Variants in UXS1 observed in about 807,000 individuals in gnomAD.
UXS1 encodes UDP-glucuronate decarboxylase 1.
In UXS1, 33 loss-of-function variants were observed where a neutral mutation model predicts 62.6. That is an observed-to-expected ratio of 0.53 (90% CI 0.40 to 0.70). The LOEUF (loss-of-function observed/expected upper bound fraction) is 0.70. UXS1 is among the 30% of genes least tolerant of loss of function. The pLI is 0.00. For missense variants in UXS1, 434 were observed against 556.3 expected (o/e 0.78, Z 2.21); for synonymous variants, 213 against 206.8 (o/e 1.03, Z -0.26).
intron 1 of UXS1, among the ~76,000 whole-genome samples, chr2:106,174,545 A>G (rs547650666): frequency 7.2e-5 from 11 of 152,324 alleles, no homozygotes; most frequent in South Asian, 4.1e-4. Flanking sequence ...CCACATGAAG[A>G]TGTCTCACAG....
chr2:106,168,024 G>C (rs1385462910), intron 1 of UXS1, among the ~76,000 whole-genome samples: 2 of 152,182 alleles, frequency 1.3e-5, no homozygotes, highest in African/African-American at 4.8e-5. Flanking sequence ...AGCTGGGCAT[G>C]GTGGCGCATG....
At chr2:106,137,572 TG>T (rs1680759883) in intron 6 of UXS1, among the ~76,000 whole-genome samples, 2 of 151,876 alleles carry the variant, frequency 1.3e-5, no homozygotes, top group Admixed American at 6.6e-5. Context: ...GTGGATCACC[TG>T]AGGTCAGGAG....
chr2:106,095,122 T>C (rs1676971590), intron 14 of UXS1, among the ~76,000 whole-genome samples: 1 of 152,148 alleles, frequency 6.6e-6, no homozygotes, highest in Non-Finnish European at 1.5e-5. Context: ...TAGGTCTAAA[T>C]TCCAGAAAGA....
chr2:106,149,845 C>T (rs1241615896), intron 5 of UXS1, among the ~76,000 whole-genome samples: 1 of 152,130 alleles, frequency 6.6e-6, no homozygotes, highest in African/African-American at 2.4e-5. Flanking sequence ...GTTAAAGAAA[C>T]AGTGGTGAGG....
At chr2:106,171,647 T>C (rs566912756) in intron 1 of UXS1, among the ~76,000 whole-genome samples, 96 of 152,344 alleles carry the variant, frequency 6.3e-4, no homozygotes, top group African/African-American at 2.1e-3. Context: ...TCACCAGGAA[T>C]CCAGATCTGG....
At position 106,164,729 on chromosome 2, in the gene UXS1, G is replaced by C; in HGVS notation, c.186+7C>G. The C allele has an allele frequency of 6.4e-7, 1 of 1,562,720 alleles. No individual in the cohort carries two copies. The highest frequency in any genetic ancestry group is 8.7e-7 in the Non-Finnish European group (1 of 1,149,980). ...GAAATAGATACAAAAATAGAAAAAA[G>C]ACTAACCTCTTCAATCTTGCTTTCA... On this transcript the variant is annotated splice_region_variant and intron_variant, in intron 3 of 14. Coordinates refer to ENST00000283148, the MANE Select transcript of UXS1 (RefSeq NM_001253875.2).
intron 1 of UXS1, among the ~76,000 whole-genome samples, chr2:106,181,850 G>A (rs768481966): frequency 4.6e-5 from 7 of 152,178 alleles, no homozygotes; most frequent in African/African-American, 1.4e-4. Flanking sequence ...GGGATCCAAC[G>A]TAACATGTAA....
intron 1 of UXS1, among the ~76,000 whole-genome samples, chr2:106,174,446 C>A (rs1683750427): frequency 6.6e-6 from 1 of 152,206 alleles, no homozygotes; most frequent in Admixed American, 6.5e-5. Flanking sequence ...AGTAATGTCA[C>A]AAGATAAGAG....
At chr2:106,100,852 A>T in intron 12 of UXS1, 1 of 626,460 alleles carries the variant, frequency 1.6e-6, no homozygotes, top group Non-Finnish European at 2.8e-6. Context: ...TGATTACATC[A>T]CTCACCCGTG....
intron 10 of UXS1, among the ~76,000 whole-genome samples, chr2:106,108,767 C>T (rs2104869095): frequency 6.6e-6 from 1 of 152,306 alleles, no homozygotes; most frequent in Middle Eastern, 3.4e-3. Flanking sequence ...CTCTCATGAT[C>T]ACTTAGCAAT....
chr2:106,115,550 A>G (rs1678993299), intron 9 of UXS1, among the ~76,000 whole-genome samples: 1 of 152,214 alleles, frequency 6.6e-6, no homozygotes, highest in East Asian at 1.9e-4. Flanking sequence ...AGGAAGGTCA[A>G]GACAACTCCT....
rs1345076138 is a variant in UXS1 at position 106,157,139 on chromosome 2, G to T, written c.291+919C>A. Among the ~76,000 whole-genome samples, 2 of 152,248 alleles carry T rather than the reference G, an allele frequency of 1.3e-5. 1 individual carries two copies. Among genetic ancestry groups the T allele is most frequent in the East Asian group, 3.9e-4 (2 of 5,190 alleles). Reference sequence around the variant, plus strand: ...GGAGAGTGACTGCTAATGGGTATAGGCTTTCCTTGGGGGGGGCCTACAATT... The same window carrying T: ...GGAGAGTGACTGCTAATGGGTATAGTCTTTCCTTGGGGGGGGCCTACAATT... On this transcript the variant is annotated intron_variant, in intron 5 of 14. Transcript: ENST00000283148.
intron 1 of UXS1, among the ~76,000 whole-genome samples, chr2:106,187,334 G>A (rs1013237836): frequency 3.3e-5 from 5 of 152,110 alleles, no homozygotes; most frequent in African/African-American, 4.8e-5. Context: ...GAATGCCACC[G>A]GTACTAGGTT....
chr2:106,174,082 A>G lies in UXS1; in HGVS notation c.95-7999T>C, dbSNP rs1683724588. Among the ~76,000 whole-genome samples, 2 of 81,388 alleles carry G rather than the reference A, an allele frequency of 2.5e-5. 1 individual carries two copies. The highest frequency in any genetic ancestry group is 9.4e-4 in the South Asian group (2 of 2,124). The allele number at this position is 81,388 out of a possible 152,430, so 53.4% of individuals were successfully genotyped here. On this transcript the variant is annotated intron_variant, in intron 1 of 14. Transcript: ENST00000283148. ...CGGAGAAGGAGATTCTGGTGGAGGA[A>G]GAGGATTGGGGGGGGCGGGGGCGGG...
intron 12 of UXS1, among the ~76,000 whole-genome samples, chr2:106,099,683 AG>A (rs1459090206): frequency 6.6e-6 from 1 of 152,228 alleles, no homozygotes; most frequent in Non-Finnish European, 1.5e-5. Flanking sequence ...CTGGCTGCCC[AG>A]GGAAGTCACT....
chr2:106,107,381 GT>G (rs1454865515), intron 10 of UXS1, among the ~76,000 whole-genome samples: 1 of 152,206 alleles, frequency 6.6e-6, no homozygotes, highest in African/African-American at 2.4e-5. Flanking sequence ...CAGAGCAGCG[GT>G]GTCCACTCAC....
chr2:106,146,386 G>C (rs547072113), intron 5 of UXS1, among the ~76,000 whole-genome samples: 59 of 152,222 alleles, frequency 3.9e-4, no homozygotes, highest in African/African-American at 1.3e-3. Flanking sequence ...CAAACTCCTA[G>C]GTCTATGGTT....
At chr2:106,177,827 G>T (rs1350121498) in intron 1 of UXS1, among the ~76,000 whole-genome samples, 1 of 152,132 alleles carries the variant, frequency 6.6e-6, no homozygotes. Flanking sequence ...CTGCAGCCTG[G>T]GGTAGGACAG....
At chr2:106,117,668 G>A (rs1210646877) in intron 9 of UXS1, among the ~76,000 whole-genome samples, 1 of 152,206 alleles carries the variant, frequency 6.6e-6, no homozygotes, top group Non-Finnish European at 1.5e-5. Context: ...AGAAATGCCA[G>A]GAAGTGCACC....
Sources: allele counts gnomAD v4.1 joint callset (sites outside exome capture counted in the v4.1 genomes callset), GRCh38; gene constraint gnomAD v4.1.1; transcripts MANE v1.5; gene names NCBI Gene and HGNC (gene_info 2026-07-23, HGNC 2026-07-21).